DLC1: variants seen among roughly 807,000 people sequenced by gnomAD.
DLC1 encodes DLC1 Rho GTPase activating protein.
Under a neutral mutation model 140.3 loss-of-function variants are expected in DLC1, and 54 were observed. The observed-to-expected ratio is 0.38, with a 90% CI of 0.31 to 0.48. The LOEUF (loss-of-function observed/expected upper bound fraction) is 0.48. Ranked by LOEUF, DLC1 falls within the 20% of genes least tolerant of loss-of-function variation. DLC1 has a pLI of 0.96. For missense variants in DLC1, 2,536 were observed against 1,907.0 expected, an observed-to-expected ratio of 1.33 and a Z score of -6.14; for synonymous variants, 986 against 728.1, an observed-to-expected ratio of 1.35 and a Z score of -5.70.
chr8:13,533,747 A>G (rs1334944908), intron 1 of DLC1, among the ~76,000 whole-genome samples: 2 of 152,088 alleles, frequency 1.3e-5, no homozygotes, highest in African/African-American at 4.8e-5. Flanking sequence ...GGTAATCCCC[A>G]TGTGTGGAGG....
intron 2 of DLC1, 129 bp from the exon 3 acceptor site, chr8:13,401,748 C>A (rs969359683): frequency 5.8e-6 from 7 of 1,214,968 alleles, no homozygotes; most frequent in South Asian, 3.3e-5. Flanking sequence ...AAGAGAAGTT[C>A]CATTCTGTAT....
chr8:13,124,801 A>G (rs1821414505), intron 5 of DLC1, among the ~76,000 whole-genome samples: 1 of 152,204 alleles, frequency 6.6e-6, no homozygotes, highest in South Asian at 2.1e-4. Context: ...ACCTCTAGAA[A>G]GGGTTCCATG....
At position 13,401,625 on chromosome 8, in the gene DLC1, G is replaced by C; in HGVS notation, c.1024-6C>G. Reference sequence around the variant, plus strand: ...TCTCGATCTTCTCTTATTTCCTGAGGAACAGAACATTTTGTTACTGAATCT... The same window carrying C: ...TCTCGATCTTCTCTTATTTCCTGAGCAACAGAACATTTTGTTACTGAATCT... On this transcript the variant is annotated splice_polypyrimidine_tract_variant and splice_region_variant and intron_variant, in intron 2 of 17. Coordinates refer to ENST00000276297, the MANE Select transcript of DLC1 (RefSeq NM_182643.3). The C allele has an allele frequency of 6.2e-7, 1 of 1,608,486 alleles. No individual in the cohort carries two copies. Among genetic ancestry groups the C allele is most frequent in the Non-Finnish European group, 8.5e-7 (1 of 1,177,854 alleles).
upstream of DLC1, among the ~76,000 whole-genome samples, chr8:13,517,490 C>A (rs7842952): frequency 1.4e-4 from 21 of 152,050 alleles, no homozygotes; most frequent in East Asian, 1.2e-3. Flanking sequence ...ATTTATTTTT[C>A]ATTGTTGAGT....
At chr8:13,153,263 C>T (rs1238516155) in intron 5 of DLC1, among the ~76,000 whole-genome samples, 1 of 152,112 alleles carries the variant, frequency 6.6e-6, no homozygotes, top group East Asian at 1.9e-4. Context: ...TGCTGATCTT[C>T]GCTGTGAGTG....
intron 5 of DLC1, among the ~76,000 whole-genome samples, chr8:13,206,297 A>G (rs749822650): frequency 4.0e-4 from 61 of 152,202 alleles, no homozygotes; most frequent in Non-Finnish European, 7.5e-4. Context: ...TGTATTTCCC[A>G]GTAAAAACAC....
chr8:13,175,413 T>C (rs1825706060), intron 5 of DLC1, among the ~76,000 whole-genome samples: 1 of 152,032 alleles, frequency 6.6e-6, no homozygotes, highest in African/African-American at 2.4e-5. Context: ...ACATTTGTAG[T>C]TTGATAGAAA....
rs932678149 is a variant in DLC1, at chr8:13,312,132, CG to C, written c.1315-6831del. ...ATCCCAGCACTTTGGGAGGCCGAGG[CG>C]GGCGGATCACGAGGTCAGGAGATCG... On this transcript the variant is annotated intron_variant, in intron 4 of 17. Coordinates refer to ENST00000276297, the MANE Select transcript of DLC1 (RefSeq NM_182643.3). Among the ~76,000 whole-genome samples the C allele has an allele frequency of 1.4e-5, 2 of 147,860 alleles. 1 individual carries two copies. The highest frequency in any genetic ancestry group is 5.0e-5 in the African/African-American group (2 of 39,868).
intron 5 of DLC1, among the ~76,000 whole-genome samples, chr8:13,122,863 A>T (rs1212660788): frequency 6.6e-6 from 1 of 151,378 alleles, no homozygotes; most frequent in Non-Finnish European, 1.5e-5. Context: ...TCAGTTTCTT[A>T]GGCTATCTGG....
intron 1 of DLC1, among the ~76,000 whole-genome samples, chr8:13,521,883 T>C (rs1802777811): frequency 6.6e-6 from 1 of 152,210 alleles, no homozygotes; most frequent in Admixed American, 6.5e-5. Context: ...TGATATTAAC[T>C]GTGTATTACT....
At chr8:13,393,459 A>T in intron 4 of DLC1, 94 bp downstream of exon 4, 1 of 1,334,900 alleles carries the variant, frequency 7.5e-7, no homozygotes. Flanking sequence ...TAAGATTCCA[A>T]CAGTATTTCT....
Position 13,401,115 on chromosome 8 carries a change from G to A in DLC1, c.1173+355C>T, listed in dbSNP as rs115346797. Among the ~76,000 whole-genome samples the A allele has an allele frequency of 4.5e-3, 686 of 152,212 alleles. 2 individuals are homozygous for A. The highest frequency in any genetic ancestry group is 0.016 in the African/African-American group (662 of 41,528). ...ATTCTTCTATATGCAATACAGATTT[G>A]TGGGCCAGTCATAGACATAGTGCTT... On this transcript the variant is annotated intron_variant, in intron 3 of 17. Coordinates refer to ENST00000276297, the MANE Select transcript of DLC1 (RefSeq NM_182643.3).
intron 5 of DLC1, among the ~76,000 whole-genome samples, chr8:13,188,268 G>T (rs759549663): frequency 4.6e-5 from 7 of 151,284 alleles, no homozygotes; most frequent in Admixed American, 1.3e-4. Context: ...TGTTAGTAGA[G>T]AAGGGGTTTC....
At chr8:13,187,237 C>T (rs1192808991) in intron 5 of DLC1, among the ~76,000 whole-genome samples, 1 of 152,152 alleles carries the variant, frequency 6.6e-6, no homozygotes, top group African/African-American at 2.4e-5. Flanking sequence ...GTTTGCCTCT[C>T]ACCTGTAGAA....
chr8:13,305,068 C>A (rs1769957959), intron 5 of DLC1: 2 of 1,234,044 alleles, frequency 1.6e-6, no homozygotes, highest in Admixed American at 3.9e-5. Flanking sequence ...CTTATTCTAA[C>A]ACAATGTCAT....
At chr8:13,151,400 A>G (rs1053721147) in intron 5 of DLC1, among the ~76,000 whole-genome samples, 3 of 152,214 alleles carry the variant, frequency 2.0e-5, no homozygotes, top group Non-Finnish European at 4.4e-5. Context: ...GAATTTAGGC[A>G]GAATTTGAAC....
chr8:13,403,897 G>C (rs1386836845), intron 2 of DLC1, among the ~76,000 whole-genome samples: 6 of 148,622 alleles, frequency 4.0e-5, no homozygotes, highest in Non-Finnish European at 1.5e-5. Context: ...GCACTCAGGA[G>C]ATACTCTCGT....
At chr8:13,401,042 G>T (rs1439609953) in intron 3 of DLC1, among the ~76,000 whole-genome samples, 1 of 152,076 alleles carries the variant, frequency 6.6e-6, no homozygotes, top group Admixed American at 6.6e-5. Context: ...TAGTTCAACT[G>T]GCATCCATCC....
intron 5 of DLC1, among the ~76,000 whole-genome samples, chr8:13,117,736 C>T (rs1475630450): frequency 6.6e-6 from 1 of 152,174 alleles, no homozygotes; most frequent in Non-Finnish European, 1.5e-5. Flanking sequence ...AGTGCCCGCC[C>T]TTTTTTGACG....
Sources: allele counts gnomAD v4.1 joint callset (sites outside exome capture counted in the v4.1 genomes callset), GRCh38; gene constraint gnomAD v4.1.1; transcripts MANE v1.5; gene names NCBI Gene and HGNC (gene_info 2026-07-23, HGNC 2026-07-21).